The following ANKRD11 variants were observed in gnomAD, a reference collection of about 807,000 sequenced individuals.
ANKRD11 encodes ankyrin repeat domain-containing protein 11.
Under a neutral mutation model 195.7 loss-of-function variants are expected in ANKRD11, and 17 were observed. The observed-to-expected ratio is 0.09, with a 90% CI of 0.06 to 0.13. ANKRD11 has a LOEUF of 0.13. Among genes scored for constraint, ANKRD11 ranks in the 10% least tolerant of loss-of-function variants. ANKRD11 has a pLI of 1.00. For missense variants in ANKRD11, 3,735 were observed against 3,566.1 expected, an observed-to-expected ratio of 1.05 and a Z score of -1.21; for synonymous variants, 1,953 against 1,528.1, an observed-to-expected ratio of 1.28 and a Z score of -6.49.
chr16:89,363,353 A>G (rs1050454558), intron 2 of ANKRD11, among the ~76,000 whole-genome samples: 2 of 152,204 alleles, frequency 1.3e-5, no homozygotes, highest in African/African-American at 4.8e-5. Context: ...TTCAGTCTGC[A>G]TTAGGAGATA....
chr16:89,378,303 A>AG (rs1026192093), intron 2 of ANKRD11, among the ~76,000 whole-genome samples: 72 of 152,222 alleles, frequency 4.7e-4, no homozygotes, highest in African/African-American at 1.7e-3. Context: ...GGGGTATAAA[A>AG]GGTTATATGT....
chr16:89,310,267 C>G (rs1239607297), intron 3 of ANKRD11, among the ~76,000 whole-genome samples: 5 of 152,252 alleles, frequency 3.3e-5, no homozygotes, highest in Non-Finnish European at 7.3e-5. Context: ...CAGGGTCTGC[C>G]TGTGAGCTCT....
At chr16:89,446,591 G>A (rs747342181) in intron 1 of ANKRD11, among the ~76,000 whole-genome samples, 91 of 152,026 alleles carry the variant, frequency 6.0e-4, no homozygotes, top group Non-Finnish European at 4.1e-4. Context: ...GTGACAGAGC[G>A]AGCCCCCGTC....
intron 1 of ANKRD11, among the ~76,000 whole-genome samples, chr16:89,487,470 TCTA>T (rs1183171187): frequency 6.6e-6 from 1 of 152,156 alleles, no homozygotes; most frequent in African/African-American, 2.4e-5. Flanking sequence ...CTATGTCAAA[TCTA>T]CTTAAAAAGG....
At chr16:89,351,417 C>T (rs1315381175) in intron 2 of ANKRD11, among the ~76,000 whole-genome samples, 1 of 152,308 alleles carries the variant, frequency 6.6e-6, no homozygotes, top group East Asian at 1.9e-4. Flanking sequence ...CACCACACAC[C>T]CTCCACTACC....
chr16:89,294,833 C>A (rs1282307955), intron 4 of ANKRD11, among the ~76,000 whole-genome samples: 3 of 152,356 alleles, frequency 2.0e-5, no homozygotes, highest in East Asian at 1.9e-4. Flanking sequence ...CTGAGAAACG[C>A]TCCTCTGAGA....
intron 1 of ANKRD11, among the ~76,000 whole-genome samples, chr16:89,462,482 G>A (rs1020773273): frequency 3.9e-5 from 6 of 152,078 alleles, no homozygotes; most frequent in African/African-American, 9.6e-5. Context: ...ACCTCTGCCC[G>A]GCCGCCACCC....
intron 1 of ANKRD11, among the ~76,000 whole-genome samples, chr16:89,424,270 C>G (rs1423541511): frequency 1.3e-5 from 2 of 152,030 alleles, no homozygotes; most frequent in African/African-American, 4.8e-5. Context: ...GGAGAAACCC[C>G]GTCTGTACTA....
chr16:89,322,204 A>G (rs926516456), intron 2 of ANKRD11, among the ~76,000 whole-genome samples: 4 of 152,204 alleles, frequency 2.6e-5, no homozygotes, highest in African/African-American at 9.6e-5. Context: ...ATTTGTATTA[A>G]AACACCAAGC....
intron 11 of ANKRD11, chr16:89,273,171 G>GT (rs1245151609): frequency 1.1e-4 from 16 of 152,030 alleles, no homozygotes; most frequent in Middle Eastern, 6.8e-3. Context: ...TAACTGGATT[G>GT]TTTGTAACTC....
At chr16:89,292,713 C>G (rs2035142723) in intron 4 of ANKRD11, among the ~76,000 whole-genome samples, 1 of 152,250 alleles carries the variant, frequency 6.6e-6, no homozygotes. Flanking sequence ...AGCTTTGGCC[C>G]CAGCCCCTCA....
chr16:89,434,937 G>A (rs558602539), intron 1 of ANKRD11, among the ~76,000 whole-genome samples: 1 of 152,358 alleles, frequency 6.6e-6, no homozygotes, highest in South Asian at 2.1e-4. Flanking sequence ...ATGGCTAGGT[G>A]AAGCAGGGCG....
intron 2 of ANKRD11, among the ~76,000 whole-genome samples, chr16:89,374,213 G>A (rs1184310651): frequency 6.6e-6 from 1 of 151,988 alleles, no homozygotes; most frequent in African/African-American, 2.4e-5. Context: ...AGACTTCAAA[G>A]ATTTACAGTA....
chr16:89,411,404 G>A (rs2042106727), intron 2 of ANKRD11, among the ~76,000 whole-genome samples: 2 of 152,236 alleles, frequency 1.3e-5, no homozygotes, highest in South Asian at 4.1e-4. Context: ...TTGCTGTCGA[G>A]ATGGTCTACA....
rs1431663321 is a variant in ANKRD11 at position 89,280,237 on chromosome 16, A to T, written c.6305T>A (p.Phe2102Tyr). The change falls in exon 9 of 13, where the codon TTC (phenylalanine) becomes TAC (tyrosine). Residue 2102 changes from phenylalanine to tyrosine, a missense_variant. Transcript: ENST00000301030. ...AGACAGGCCGCGGCTGCCGTCCAGG[A>T]AGCTATTTTCCAGGGGCCCCAGAGC... Reference protein sequence around the residue: ...VEALGPLENSFLDGSRGLSHL... With the variant: ...VEALGPLENSYLDGSRGLSHL... 8.7e-6 allele frequency: 14 copies of T among 1,608,316 alleles called. No individual in the cohort carries two copies. The highest frequency in any genetic ancestry group is 1.0e-5 in the Non-Finnish European group (12 of 1,179,464).
intron 1 of ANKRD11, among the ~76,000 whole-genome samples, chr16:89,478,306 G>A (rs1229781610): frequency 6.6e-6 from 1 of 151,870 alleles, no homozygotes; most frequent in Non-Finnish European, 1.5e-5. Flanking sequence ...TCACCCTAGT[G>A]AGAAAGAAGG....
In ANKRD11 at chr16:89,279,642, G is replaced by A. The variant is rs1279079195; in HGVS notation, c.6900C>T (p.Ala2300=). 29 of 1,439,740 alleles carry A rather than the reference G, an allele frequency of 2.0e-5. No homozygotes were observed. Among genetic ancestry groups the A allele is most frequent in the Middle Eastern group, 2.5e-4 (1 of 3,976 alleles). The allele number at this position is 1,439,740 out of a possible 1,614,324, so 89.2% of individuals were successfully genotyped here. A position where few individuals can be genotyped will look rare whatever the true frequency, so the allele number is the denominator to read the frequency against. ...CGCCAGGAGGGCCTTCGGCTGGGGC[G>A]GCGGCACGGGAGGCCTCAGTGTCGT... ...PEDDTEASRA[A]APAEGPPGGI... The change falls in exon 9 of 13, where the codon GCC becomes GCT. Residue 2300 remains alanine (A), a synonymous_variant. Coordinates refer to ENST00000301030, the MANE Select transcript of ANKRD11 (RefSeq NM_013275.6). This position sits in a 1 kb window ranked among gnomAD's most constrained non-coding sequence, Gnocchi z 5.6.
chr16:89,475,925 A>C (rs892888926), intron 1 of ANKRD11, among the ~76,000 whole-genome samples: 10 of 151,994 alleles, frequency 6.6e-5, no homozygotes, highest in African/African-American at 2.4e-4. Context: ...GGTGGTGGGC[A>C]CCTGTAGTCC....
chr16:89,443,919 G>A (rs2965942), intron 1 of ANKRD11, among the ~76,000 whole-genome samples: 70,997 of 151,934 alleles, frequency 0.47, 17,109 homozygotes, highest in Middle Eastern at 0.66. Context: ...TACAGCTGCC[G>A]TGCCGGGCCG....
Sources: gnomAD v4.1 joint callset for allele counts (sites outside exome capture counted in the v4.1 genomes callset) on GRCh38, gnomAD v4.1.1 for gene constraint, Gnocchi (gnomAD v3.1) non-coding constraint, MANE v1.5 for transcripts, NCBI Gene and HGNC (gene_info 2026-07-23, HGNC 2026-07-21) for gene names.